The following DPP9 variants were observed in gnomAD, a reference collection of about 807,000 sequenced individuals.
DPP9 encodes the protein dipeptidyl peptidase IV-related protein-2.
Under a neutral mutation model 110.7 loss-of-function variants are expected in DPP9, and 50 were observed. That is an observed-to-expected ratio of 0.45 (90% CI 0.36 to 0.57). The LOEUF (loss-of-function observed/expected upper bound fraction) is 0.57, where lower values mean the gene tolerates loss of function less well. Ranked by LOEUF, DPP9 falls within the 20% of genes least tolerant of loss-of-function variation. The pLI is 0.00. For missense variants in DPP9, 1,022 were observed against 1,217.9 expected (o/e 0.84, Z 2.39); for synonymous variants, 561 against 514.4 (o/e 1.09, Z -1.23).
At chr19:4,702,876 G>GGGAGAGGGAGGGA (rs2092369581) in intron 7 of DPP9, among the ~76,000 whole-genome samples, 160 bp from the exon 8 acceptor site, 1 of 149,248 alleles carries the variant, frequency 6.7e-6, no homozygotes, top group African/African-American at 2.5e-5. Flanking sequence ...GGGAGAGCTC[G>GGGAGAGGGAGGGA]GAGCCGACTG....
intron 4 of DPP9, among the ~76,000 whole-genome samples, chr19:4,709,461 G>C (rs2092733154): frequency 1.3e-5 from 2 of 152,190 alleles, no homozygotes; most frequent in African/African-American, 4.8e-5. Context: ...GTGAGCAAAA[G>C]AACGCAAGTG....
At chr19:4,680,865 G>A (rs894687004) in intron 20 of DPP9, among the ~76,000 whole-genome samples, 4 of 152,126 alleles carry the variant, frequency 2.6e-5, no homozygotes, top group Admixed American at 6.5e-5. Context: ...GCTGAGGCAC[G>A]AGAATTGCTT....
chr19:4,688,878 G>A lies in DPP9; in HGVS notation c.1764C>T (p.Phe588=), dbSNP rs201374341. 2.8e-4 allele frequency: 421 copies of A among 1,520,732 alleles called. 9 individuals carry two copies. In the South Asian group the frequency reaches 5.1e-3, roughly 18 times the overall value. 94.2% of individuals were successfully genotyped at this position (1,520,732 alleles called of 1,614,324 possible). A position where few individuals can be genotyped will look rare whatever the true frequency, so the allele number is the denominator to read the frequency against. ...SCSMSQNFDM[F]VSHYSSVSTP... is the part of the protein sequence containing the mutation. ...TGCTCACGCTGCTGTAGTGGCTGAC[G>A]AACATGTCGAAGTTCTGGGGGTGGA... The change falls in exon 16 of 22, where the codon TTC becomes TTT. Residue 588 remains phenylalanine, a synonymous_variant. Transcript: ENST00000262960.
intron 13 of DPP9, among the ~76,000 whole-genome samples, chr19:4,691,980 CT>C (rs1300324583): frequency 6.6e-6 from 1 of 151,828 alleles, no homozygotes; most frequent in African/African-American, 2.4e-5. Flanking sequence ...GCCTGGCCGA[CT>C]TTTTTTGTGG....
chr19:4,699,763 C>T lies in DPP9; in HGVS notation c.1074+453G>A, dbSNP rs184320731. On this transcript the variant is annotated intron_variant, in intron 10 of 21. Transcript: ENST00000262960. Reference sequence around the variant, plus strand: ...CACAGTAGCTGACGGGTCCGGTGAACGGACCTGAGGATCTGCCTGAAACGC... The same window carrying T: ...CACAGTAGCTGACGGGTCCGGTGAATGGACCTGAGGATCTGCCTGAAACGC... 4.6e-5 allele frequency among the ~76,000 whole-genome samples: 7 copies of T among 152,280 alleles called. No individual in the cohort carries two copies. In the South Asian group the frequency reaches 8.3e-4, roughly 18 times the overall value.
At chr19:4,712,801 G>C (rs1264938222) in intron 4 of DPP9, among the ~76,000 whole-genome samples, 1 of 152,226 alleles carries the variant, frequency 6.6e-6, no homozygotes, top group Non-Finnish European at 1.5e-5. Flanking sequence ...TCTGTCTGTG[G>C]AGAGGGACTG....
At chr19:4,716,602 A>C (rs1046750844) in intron 3 of DPP9, among the ~76,000 whole-genome samples, 5 of 151,592 alleles carry the variant, frequency 3.3e-5, no homozygotes, top group Admixed American at 6.6e-5. Context: ...GTGCCACTGC[A>C]CTCCAGCCTG....
At position 4,700,595 on chromosome 19, in the gene DPP9, T is replaced by C. The variant is rs1424017365; in HGVS notation, c.1013-318A>G. Among the ~76,000 whole-genome samples, 2 of 152,182 alleles carry C rather than the reference T, an allele frequency of 1.3e-5. No homozygotes were observed. The highest frequency in any genetic ancestry group is 2.4e-5 in the African/African-American group (1 of 41,454). ...AGCTGGGGCTTGTAGGGGCCGCAGA[T>C]ACCAGGAAGATGCCATCCCTGCCTT... On this transcript the variant is annotated intron_variant, in intron 9 of 21. Coordinates refer to ENST00000262960, the MANE Select transcript of DPP9 (RefSeq NM_139159.5). The surrounding 1 kb of genome is among the most constrained non-coding windows in gnomAD (Gnocchi z 4.3).
chr19:4,690,338 A>G (rs2091200655), intron 14 of DPP9, among the ~76,000 whole-genome samples: 1 of 152,336 alleles, frequency 6.6e-6, no homozygotes, highest in Non-Finnish European at 1.5e-5. Context: ...GAGGCCTCAG[A>G]GCCCCGAGGG....
intron 16 of DPP9, 189 bp downstream of exon 16, chr19:4,688,568 G>A (rs1010933895): frequency 1.5e-5 from 11 of 730,210 alleles, no homozygotes; most frequent in Non-Finnish European, 2.2e-5. Context: ...ACCCAGGACC[G>A]TCTCGGACGG....
intron 4 of DPP9, 36 bp from the exon 5 acceptor site, chr19:4,706,006 C>G (rs760848766): frequency 6.3e-7 from 1 of 1,585,822 alleles, no homozygotes; most frequent in South Asian, 1.1e-5. Flanking sequence ...AACGGGTACC[C>G]TGGCTCAGGA....
rs2093167997 is a variant in DPP9, at chr19:4,718,293, T to C, written c.56+1558A>G. ...GCGGGGGCGGGGGAGTAGTTGGAGA[T>C]GGGGGAAGTATTTGGACGCCTAGAA... On this transcript the variant is annotated intron_variant, in intron 3 of 21. Coordinates refer to ENST00000262960, the MANE Select transcript of DPP9 (RefSeq NM_139159.5). The surrounding 1 kb of genome is among the most constrained non-coding windows in gnomAD (Gnocchi z 4.3). 6.6e-6 allele frequency among the ~76,000 whole-genome samples: 1 copy of C among 151,782 alleles called. No individual in the cohort carries two copies. Among genetic ancestry groups the C allele is most frequent in the Non-Finnish European group, 1.5e-5 (1 of 67,956 alleles).
At chr19:4,715,008 A>T (rs1338456225) in intron 3 of DPP9, among the ~76,000 whole-genome samples, 2 of 129,704 alleles carry the variant, frequency 1.5e-5, no homozygotes, top group African/African-American at 2.8e-5. Flanking sequence ...ATATATGTTT[A>T]TATATATATA....
intron 10 of DPP9, 119 bp from the exon 11 acceptor site, chr19:4,697,770 C>G: frequency 1.3e-6 from 1 of 744,916 alleles, no homozygotes. Context: ...GGAGTCTCAG[C>G]CCCCAGAACC....
rs540338919 is a variant in DPP9 at position 4,708,796 on chromosome 19, G to A, written c.314-2826C>T. ...TGGGGCCTATTGGAGGGTGGAGGGT[G>A]GAGGGGGAGCAGCAGACAAAATAAC... On this transcript the variant is annotated intron_variant, in intron 4 of 21. Transcript: ENST00000262960. Among the ~76,000 whole-genome samples the A allele has an allele frequency of 4.6e-5, 7 of 152,312 alleles. No individual in the cohort carries two copies. The East Asian group carries it at 9.6e-4, about 21-fold the overall frequency.
chr19:4,684,892 ACCGGG>A lies in DPP9; in HGVS notation c.2032-88_2032-84del. 1.3e-6 allele frequency: 2 copies of A among 1,532,168 alleles called. No homozygotes were observed. The highest frequency in any genetic ancestry group is 1.8e-6 in the Non-Finnish European group (2 of 1,132,542). The allele number at this position is 1,532,168 out of a possible 1,614,324, so 94.9% of individuals were successfully genotyped here. A position where few individuals can be genotyped will look rare whatever the true frequency, so the allele number is the denominator to read the frequency against. ...CAGGGGAGATGCCGGTGGGCTGGGG[ACCGGG>A]CCGGGCTGGGGCCTCAGAGCCTAAT... On this transcript the variant is annotated intron_variant, in intron 17 of 21. Transcript: ENST00000262960. The surrounding 1 kb of genome is among the most constrained non-coding windows in gnomAD (Gnocchi z 4.8).
At chr19:4,709,293 G>A (rs10414220) in intron 4 of DPP9, among the ~76,000 whole-genome samples, 6,176 of 152,092 alleles carry the variant, frequency 0.041, 433 homozygotes, top group African/African-American at 0.14. Context: ...GGTTTCCCAC[G>A]CATGAGGAAG....
chr19:4,722,226 C>T, intron 2 of DPP9: 2 of 451,044 alleles, frequency 4.4e-6, no homozygotes, highest in South Asian at 6.5e-5. Context: ...ATCCAGGCAC[C>T]CCTCCACCAA....
At position 4,700,160 on chromosome 19, in the gene DPP9, C is replaced by G. The variant is rs1033165353; in HGVS notation, c.1074+56G>C. The G allele has an allele frequency of 2.8e-6, 4 of 1,412,912 alleles. No individual in the cohort carries two copies. The highest frequency in any genetic ancestry group is 1.4e-5 in the South Asian group (1 of 69,202). 87.5% of individuals were successfully genotyped at this position (1,412,912 alleles called of 1,614,324 possible). ...CCTGCCCATCCACCCAGCTGCCTAC[C>G]CGGCCCTTCCCCGCATCATCTAGTA... On this transcript the variant is annotated intron_variant, in intron 10 of 21. Coordinates refer to ENST00000262960, the MANE Select transcript of DPP9 (RefSeq NM_139159.5). The surrounding 1 kb of genome is among the most constrained non-coding windows in gnomAD (Gnocchi z 4.3).
Sources: allele counts gnomAD v4.1 joint callset (sites outside exome capture counted in the v4.1 genomes callset), GRCh38; gene constraint gnomAD v4.1.1; non-coding constraint Gnocchi (gnomAD v3.1); transcripts MANE v1.5; gene names NCBI Gene and HGNC (gene_info 2026-07-23, HGNC 2026-07-21).